The following RBFOX3 variants were observed in gnomAD, a reference collection of about 807,000 sequenced individuals.
RBFOX3 encodes RNA binding fox-1 homolog 3.
In RBFOX3, 17 loss-of-function variants were observed where a neutral mutation model predicts 48.7. That is an observed-to-expected ratio of 0.35 (90% CI 0.24 to 0.52). The LOEUF is 0.52. Ranked by LOEUF, RBFOX3 falls within the 20% of genes least tolerant of loss-of-function variation. The pLI is 0.94. For synonymous variants in RBFOX3, 212 were observed against 209.5 expected, an observed-to-expected ratio of 1.01 and a Z score of -0.10; for missense variants, 382 against 497.5, an observed-to-expected ratio of 0.77 and a Z score of 2.21.
intron 3 of RBFOX3, among the ~76,000 whole-genome samples, chr17:79,255,043 C>T (rs2064550698): frequency 1.3e-5 from 2 of 152,088 alleles, no homozygotes; most frequent in Admixed American, 1.3e-4. Flanking sequence ...GGCTTCCTGC[C>T]CCCAGGGCCT....
chr17:79,321,574 G>C (rs1266813086), intron 2 of RBFOX3, among the ~76,000 whole-genome samples: 2 of 152,158 alleles, frequency 1.3e-5, no homozygotes, highest in African/African-American at 4.8e-5. Context: ...CAGTGTCCTA[G>C]CAGACAAGAG....
chr17:79,513,836 G>T (rs1161860882), intron 1 of RBFOX3, among the ~76,000 whole-genome samples: 3 of 152,184 alleles, frequency 2.0e-5, no homozygotes, highest in Admixed American at 6.5e-5. Flanking sequence ...GTCTATGGGG[G>T]CCCGCGTGCC....
intron 3 of RBFOX3, among the ~76,000 whole-genome samples, chr17:79,264,866 G>A (rs926438869): frequency 3.3e-5 from 5 of 152,054 alleles, no homozygotes; most frequent in African/African-American, 4.8e-5. Flanking sequence ...GGAAGGTTCT[G>A]CTCCCCTGTA....
intron 2 of RBFOX3, among the ~76,000 whole-genome samples, chr17:79,340,605 C>T (rs1259993918): frequency 6.6e-6 from 1 of 152,082 alleles, no homozygotes; most frequent in Non-Finnish European, 1.5e-5. Flanking sequence ...AAAGGCAACC[C>T]ACATGCTTGA....
chr17:79,155,937 A>T (rs1268215889), intron 4 of RBFOX3, among the ~76,000 whole-genome samples: 1 of 152,182 alleles, frequency 6.6e-6, no homozygotes, highest in African/African-American at 2.4e-5. Context: ...CCAATTCAGC[A>T]TCGCTGCCTC....
intron 2 of RBFOX3, among the ~76,000 whole-genome samples, chr17:79,358,027 AC>A (rs898507787): frequency 4.0e-5 from 6 of 151,838 alleles, no homozygotes; most frequent in Admixed American, 1.3e-4. Context: ...GCTCATCATA[AC>A]CCTGGGCTCC....
chr17:79,585,147 C>T (rs2093206530), intron 1 of RBFOX3, among the ~76,000 whole-genome samples: 3 of 152,186 alleles, frequency 2.0e-5, no homozygotes, highest in African/African-American at 7.2e-5. Context: ...ACAGCGTCCA[C>T]TGCTGGGAGG....
At chr17:79,606,331 C>T (rs1275627835) in intron 1 of RBFOX3, among the ~76,000 whole-genome samples, 1 of 152,180 alleles carries the variant, frequency 6.6e-6, no homozygotes, top group African/African-American at 2.4e-5. Context: ...TATAGGAGTC[C>T]TATCACACAG....
chr17:79,169,728 C>G (rs1221144222), intron 4 of RBFOX3, among the ~76,000 whole-genome samples: 2 of 152,154 alleles, frequency 1.3e-5, no homozygotes, highest in Admixed American at 6.5e-5. Context: ...GTGGGGAGAA[C>G]GGGAGGTGGC....
chr17:79,127,207 T>C (rs2037527733), intron 4 of RBFOX3, among the ~76,000 whole-genome samples: 1 of 152,188 alleles, frequency 6.6e-6, no homozygotes, highest in Non-Finnish European at 1.5e-5. Flanking sequence ...CCTTCCTTCC[T>C]GAGGGGCTGG....
At position 79,215,988 on chromosome 17, in the gene RBFOX3, G is replaced by A. The variant is rs891573126; in HGVS notation, c.-34+19778C>T. ...TTAACCCGATAGCCTTGCAAGCAGCGGACGCAGGGCTGGAGCTGATGGTCT... is the reference window on the plus strand; with the variant it reads ...TTAACCCGATAGCCTTGCAAGCAGCAGACGCAGGGCTGGAGCTGATGGTCT... On this transcript the variant is annotated intron_variant, in intron 4 of 14. Transcript: ENST00000693108. 7.2e-5 allele frequency among the ~76,000 whole-genome samples: 11 copies of A among 152,234 alleles called. 1 individual carries two copies. Among genetic ancestry groups the A allele is most frequent in the Non-Finnish European group, 1.2e-4 (8 of 68,036 alleles).
At chr17:79,455,515 G>C (rs6501309) in intron 2 of RBFOX3, among the ~76,000 whole-genome samples, 1 of 152,000 alleles carries the variant, frequency 6.6e-6, no homozygotes, top group South Asian at 2.1e-4. Context: ...GAGATGCCAC[G>C]GGGCCCGTGA....
chr17:79,426,220 G>T (rs971720023), intron 2 of RBFOX3, among the ~76,000 whole-genome samples: 1 of 152,150 alleles, frequency 6.6e-6, no homozygotes, highest in Non-Finnish European at 1.5e-5. Context: ...CCACCTTTCC[G>T]GCAGCATCCC....
At chr17:79,380,670 A>G (rs549657464) in intron 2 of RBFOX3, among the ~76,000 whole-genome samples, 2 of 152,364 alleles carry the variant, frequency 1.3e-5, no homozygotes, top group African/African-American at 4.8e-5. Flanking sequence ...CCAGCTTTGC[A>G]CTGAGAACCA....
At position 79,362,208 on chromosome 17, in the gene RBFOX3, C is replaced by G. The variant is rs902524185; in HGVS notation, c.-174-54384G>C. ...CCTGCCTCACACCGGGGTCTTTCAG[C>G]CTGAGGTGAGCGCCCCAGAGAGCTT... On this transcript the variant is annotated intron_variant, in intron 2 of 14. Coordinates refer to ENST00000693108, the MANE Select transcript of RBFOX3 (RefSeq NM_001350451.2). The surrounding 1 kb of genome is among the most constrained non-coding windows in gnomAD (Gnocchi z 4.2). 6.6e-6 allele frequency among the ~76,000 whole-genome samples: 1 copy of G among 152,252 alleles called. No homozygotes were observed. Among genetic ancestry groups the G allele is most frequent in the Non-Finnish European group, 1.5e-5 (1 of 68,046 alleles).
At chr17:79,280,826 C>T (rs964696120) in intron 3 of RBFOX3, among the ~76,000 whole-genome samples, 1 of 95,940 alleles carries the variant, frequency 1.0e-5, no homozygotes, top group Non-Finnish European at 2.0e-5. Context: ...AGCTGCCAGG[C>T]AGGCTGTCCC....
At chr17:79,116,371 G>A (rs550408747) in intron 4 of RBFOX3, among the ~76,000 whole-genome samples, 6 of 152,292 alleles carry the variant, frequency 3.9e-5, no homozygotes, top group African/African-American at 1.2e-4. Context: ...AAAAATTAGC[G>A]GGATGTGGTG....
At chr17:79,379,086 G>C (rs1018610264) in intron 2 of RBFOX3, among the ~76,000 whole-genome samples, 3 of 152,180 alleles carry the variant, frequency 2.0e-5, no homozygotes, top group Non-Finnish European at 4.4e-5. Context: ...TCCATCCCAA[G>C]CCTGATGGAC....
intron 4 of RBFOX3, among the ~76,000 whole-genome samples, chr17:79,229,137 G>A (rs1600121624): frequency 6.7e-6 from 1 of 150,254 alleles, no homozygotes; most frequent in African/African-American, 2.4e-5. Flanking sequence ...GCTGAGGCAG[G>A]AGAATGGCTT....
Sources: gnomAD v4.1 joint callset for allele counts (sites outside exome capture counted in the v4.1 genomes callset) on GRCh38, gnomAD v4.1.1 for gene constraint, Gnocchi (gnomAD v3.1) non-coding constraint, MANE v1.5 for transcripts, NCBI Gene and HGNC (gene_info 2026-07-23, HGNC 2026-07-21) for gene names.